The following TCAIM variants were observed in gnomAD, a reference collection of about 807,000 sequenced individuals.
TCAIM encodes the protein T cell activation inhibitor, mitochondrial.
In TCAIM, 36 loss-of-function variants were observed where a neutral mutation model predicts 58.6. That is an observed-to-expected ratio of 0.61 (90% CI 0.47 to 0.81). The LOEUF (loss-of-function observed/expected upper bound fraction) is 0.81. TCAIM is among the 30% of genes least tolerant of loss of function. The pLI is 0.00. For missense variants in TCAIM, 466 were observed against 579.6 expected (o/e 0.80, Z 2.01); for synonymous variants, 172 against 193.6 (o/e 0.89, Z 0.93).
chr3:44,367,307 A>G, intron 4 of TCAIM, 149 bp from the exon 5 acceptor site: 1 of 834,682 alleles, frequency 1.2e-6, no homozygotes, highest in South Asian at 2.5e-5. Flanking sequence ...AGTTTTAGAG[A>G]AGGGAAGTCA....
intron 5 of TCAIM, among the ~76,000 whole-genome samples, chr3:44,384,083 A>T (rs1285848549): frequency 2.0e-5 from 3 of 152,186 alleles, no homozygotes; most frequent in African/African-American, 7.2e-5. Flanking sequence ...TAGAATAAAT[A>T]TGAGATTTCT....
intron 10 of TCAIM, among the ~76,000 whole-genome samples, chr3:44,401,851 G>A (rs1050964655): frequency 1.3e-5 from 2 of 151,680 alleles, no homozygotes; most frequent in Non-Finnish European, 2.9e-5. Context: ...TGGCCAACAT[G>A]GTGAAACCCC....
intron 3 of TCAIM, chr3:44,358,481 A>G (rs1003439079): frequency 1.4e-5 from 7 of 506,280 alleles, no homozygotes; most frequent in Non-Finnish European, 2.4e-5. Context: ...CATCTGTACT[A>G]CACATGAACA....
At chr3:44,358,658 G>T in intron 3 of TCAIM, 1 of 723,352 alleles carries the variant, frequency 1.4e-6, no homozygotes, top group Non-Finnish European at 1.7e-6. Context: ...TGAGAGACTT[G>T]AGCATTCGCA....
chr3:44,404,203 T>TGG (rs1332763808), intron 10 of TCAIM, among the ~76,000 whole-genome samples: 2 of 152,100 alleles, frequency 1.3e-5, no homozygotes, highest in Non-Finnish European at 2.9e-5. Context: ...ACTCGAAGCA[T>TGG]GGAGTCCCCA....
At chr3:44,366,012 G>A (rs990489773) in intron 4 of TCAIM, among the ~76,000 whole-genome samples, 2 of 152,248 alleles carry the variant, frequency 1.3e-5, no homozygotes, top group East Asian at 1.9e-4. Flanking sequence ...TTAAAAAAGC[G>A]AAGAGTCAGC....
chr3:44,406,376 T>C (rs1164328408), intron 10 of TCAIM, among the ~76,000 whole-genome samples: 2 of 152,218 alleles, frequency 1.3e-5, no homozygotes, highest in Non-Finnish European at 2.9e-5. Context: ...AGTTTAAGGG[T>C]TCTTTCTGTC....
In TCAIM at chr3:44,396,469, G is replaced by A; in HGVS notation, c.765G>A (p.Gln255=). 1 of 1,613,194 alleles carries A rather than the reference G, an allele frequency of 6.2e-7. No individual in the cohort carries two copies. The highest frequency in any genetic ancestry group is 8.5e-7 in the Non-Finnish European group (1 of 1,179,932). Residue 255 remains glutamine, a synonymous_variant, in exon 7 of 11, where the codon CAG becomes CAA. Transcript: ENST00000342649. ...QLHSLSRLAQ[Q]NLETLKKAKG... ...ATAGTTTAAGCCGCTTAGCACAGCA[G>A]AATTTGGAAACACTTAAAAAAGCAA...
intron 10 of TCAIM, among the ~76,000 whole-genome samples, chr3:44,404,995 A>C (rs1018066964): frequency 2.0e-5 from 3 of 152,042 alleles, no homozygotes; most frequent in Non-Finnish European, 4.4e-5. Flanking sequence ...AACCCACACT[A>C]TTCTAAGCTA....
intron 5 of TCAIM, among the ~76,000 whole-genome samples, chr3:44,386,090 A>G (rs1575268830): frequency 2.0e-5 from 3 of 150,934 alleles, no homozygotes; most frequent in South Asian, 4.2e-4. Context: ...GCTCGCACCT[A>G]TAATCCCAGC....
intron 6 of TCAIM, among the ~76,000 whole-genome samples, chr3:44,394,613 C>T (rs1402860324): frequency 3.3e-5 from 5 of 151,462 alleles, no homozygotes; most frequent in South Asian, 2.1e-4. Flanking sequence ...AGATATAACC[C>T]GGCCGGGTAT....
intron 5 of TCAIM, among the ~76,000 whole-genome samples, chr3:44,381,523 ACAT>A (rs1480284431): frequency 6.6e-6 from 1 of 152,202 alleles, no homozygotes; most frequent in African/African-American, 2.4e-5. Context: ...CCCACAGCAA[ACAT>A]CATTCTCAGT....
chr3:44,358,567 A>G, intron 3 of TCAIM: 1 of 303,466 alleles, frequency 3.3e-6, no homozygotes, highest in Non-Finnish European at 5.7e-6. Flanking sequence ...ATTATATTAG[A>G]TATTATAAGT....
chr3:44,372,109 A>G (rs1701487077), intron 5 of TCAIM, among the ~76,000 whole-genome samples: 1 of 151,972 alleles, frequency 6.6e-6, no homozygotes, highest in Non-Finnish European at 1.5e-5. Flanking sequence ...AAACCTATGT[A>G]TAGGGAAGGC....
At chr3:44,355,874 T>C (rs1701180998) in intron 2 of TCAIM, among the ~76,000 whole-genome samples, 1 of 152,198 alleles carries the variant, frequency 6.6e-6, no homozygotes, top group Non-Finnish European at 1.5e-5. Context: ...GCAGGAGAGC[T>C]AAGTGTATGT....
intron 5 of TCAIM, among the ~76,000 whole-genome samples, chr3:44,382,299 T>C (rs979137931): frequency 3.3e-5 from 5 of 152,218 alleles, no homozygotes; most frequent in Non-Finnish European, 1.5e-5. Flanking sequence ...GGCTCACTTC[T>C]GTAATCCCAG....
chr3:44,397,045 G>A (rs1701946864), intron 8 of TCAIM, among the ~76,000 whole-genome samples: 1 of 152,190 alleles, frequency 6.6e-6, no homozygotes, highest in African/African-American at 2.4e-5. Flanking sequence ...TTTTAAGGCA[G>A]TTTTTATCTG....
At chr3:44,363,923 T>C (rs75337342) in intron 4 of TCAIM, among the ~76,000 whole-genome samples, 1 of 47,176 alleles carries the variant, frequency 2.1e-5, no homozygotes, top group African/African-American at 5.4e-5. Flanking sequence ...AGTCTGTCTT[T>C]TTTTTTTTTT....
chr3:44,351,663 T>A (rs1209124506), intron 1 of TCAIM, among the ~76,000 whole-genome samples: 1 of 151,548 alleles, frequency 6.6e-6, no homozygotes, highest in Admixed American at 6.6e-5. Flanking sequence ...CCTGGCTAAT[T>A]TTTGTATTTT....
Sources: allele counts gnomAD v4.1 joint callset (sites outside exome capture counted in the v4.1 genomes callset), GRCh38; gene constraint gnomAD v4.1.1; transcripts MANE v1.5; gene names NCBI Gene and HGNC (gene_info 2026-07-23, HGNC 2026-07-21).